The following DCDC1 variants were observed in gnomAD, a reference collection of about 807,000 sequenced individuals.
DCDC1 encodes doublecortin domain containing 1, also known as doublecortin domain-containing protein 1.
Under a neutral mutation model 178.3 loss-of-function variants are expected in DCDC1, and 200 were observed. That is an observed-to-expected ratio of 1.12 (90% CI 1.00 to 1.26). The LOEUF (loss-of-function observed/expected upper bound fraction) is 1.26, where lower values mean the gene tolerates loss of function less well. DCDC1 is among the 50% of genes most tolerant of loss of function. DCDC1 has a pLI of 0.00. For missense variants in DCDC1, 1,983 were observed against 1,749.2 expected (o/e 1.13, Z -2.38); for synonymous variants, 690 against 604.8 (o/e 1.14, Z -2.07).
chr11:31,072,392 C>G (rs931305491), intron 18 of DCDC1, among the ~76,000 whole-genome samples: 1 of 151,944 alleles, frequency 6.6e-6, no homozygotes, highest in African/African-American at 2.4e-5. Flanking sequence ...TTCATATTCT[C>G]CTATTTATTT....
intron 7 of DCDC1, among the ~76,000 whole-genome samples, chr11:31,267,062 C>G (rs1431787678): frequency 1.3e-5 from 2 of 152,202 alleles, no homozygotes; most frequent in Non-Finnish European, 2.9e-5. Flanking sequence ...CATGACCATT[C>G]AAAGGGTTGC....
At chr11:31,226,823 C>T (rs1213970785) in intron 9 of DCDC1, among the ~76,000 whole-genome samples, 2 of 151,708 alleles carry the variant, frequency 1.3e-5, no homozygotes, top group Non-Finnish European at 2.9e-5. Context: ...ACTATCAAAA[C>T]CCATAAGTAT....
intron 21 of DCDC1, among the ~76,000 whole-genome samples, chr11:30,936,398 T>G (rs1047697548): frequency 6.6e-6 from 1 of 152,158 alleles, no homozygotes; most frequent in Non-Finnish European, 1.5e-5. Context: ...TTTGAGAGTT[T>G]GATTTATTCT....
chr11:31,120,705 G>A (rs568575601), intron 11 of DCDC1, among the ~76,000 whole-genome samples: 73 of 152,174 alleles, frequency 4.8e-4, no homozygotes, highest in African/African-American at 1.7e-3. Context: ...GGATATGCCT[G>A]TACTCATCTT....
chr11:31,206,995 AT>A (rs1410224891), intron 9 of DCDC1, among the ~76,000 whole-genome samples: 4 of 152,348 alleles, frequency 2.6e-5, no homozygotes, highest in African/African-American at 9.6e-5. Flanking sequence ...AGTTTTGTCT[AT>A]CACTAAAAAT....
At chr11:31,346,003 A>G (rs1307400305) in intron 1 of DCDC1, among the ~76,000 whole-genome samples, 1 of 152,206 alleles carries the variant, frequency 6.6e-6, no homozygotes, top group East Asian at 1.9e-4. Context: ...TGTCACTAAA[A>G]TAGGACAACT....
In DCDC1 at chr11:30,892,473, A is replaced by C. The variant is rs190243292; in HGVS notation, c.5082+345T>G. On this transcript the variant is annotated intron_variant, in intron 36 of 38. Transcript: ENST00000684477. Reference sequence around the variant, plus strand: ...GGGTGACAGAGTGAGACTCTGTCTCAAATAAATAAATAATGTAATAATAAT... The same window carrying C: ...GGGTGACAGAGTGAGACTCTGTCTCCAATAAATAAATAATGTAATAATAAT... 1.6e-3 allele frequency among the ~76,000 whole-genome samples: 248 copies of C among 152,234 alleles called. 4 individuals carry two copies. Among genetic ancestry groups the C allele is most frequent in the Non-Finnish European group, 6.8e-4 (46 of 68,004 alleles).
chr11:30,893,867 T>C (rs148620990), intron 35 of DCDC1, among the ~76,000 whole-genome samples: 20 of 152,342 alleles, frequency 1.3e-4, no homozygotes, highest in Admixed American at 1.2e-3. Flanking sequence ...AATGTCTCCA[T>C]TGCAATTAGT....
At chr11:31,132,665 A>G (rs1238128511) in intron 10 of DCDC1, among the ~76,000 whole-genome samples, 5 of 152,290 alleles carry the variant, frequency 3.3e-5, no homozygotes, top group African/African-American at 1.2e-4. Flanking sequence ...GAGGCCTGAG[A>G]GACATAAAGC....
chr11:30,931,723 G>A (rs746671870), intron 22 of DCDC1, 48 bp downstream of exon 22: 19 of 1,524,458 alleles, frequency 1.2e-5, no homozygotes, highest in Non-Finnish European at 8.0e-6. Flanking sequence ...CACAAAATCT[G>A]TACAAACTAG....
chr11:31,060,249 T>G (rs549478138), intron 20 of DCDC1, among the ~76,000 whole-genome samples: 1 of 152,196 alleles, frequency 6.6e-6, no homozygotes, highest in South Asian at 2.1e-4. Flanking sequence ...AAGGACTGAC[T>G]TTACAGCAAT....
intron 20 of DCDC1, among the ~76,000 whole-genome samples, chr11:31,027,614 T>G (rs1953327533): frequency 1.3e-5 from 2 of 151,900 alleles, no homozygotes; most frequent in South Asian, 4.1e-4. Flanking sequence ...AAAAGCAACT[T>G]AGTGACATCT....
chr11:31,155,396 G>C (rs774345582), intron 9 of DCDC1, among the ~76,000 whole-genome samples: 1 of 152,226 alleles, frequency 6.6e-6, no homozygotes, highest in African/African-American at 2.4e-5. Context: ...TAGGGGGGAA[G>C]AGTCAAGTAT....
chr11:31,369,331 A>C (rs960579233), intron 1 of DCDC1, among the ~76,000 whole-genome samples: 1 of 152,222 alleles, frequency 6.6e-6, no homozygotes, highest in African/African-American at 2.4e-5. Context: ...CTTCTGCAGA[A>C]AAAATTAAAC....
chr11:31,211,611 G>A (rs1972543536), intron 9 of DCDC1, among the ~76,000 whole-genome samples: 1 of 152,080 alleles, frequency 6.6e-6, no homozygotes, highest in Admixed American at 6.6e-5. Flanking sequence ...AATCCATATG[G>A]AATAATCATT....
chr11:31,298,260 A>G (rs1249897481), intron 6 of DCDC1, among the ~76,000 whole-genome samples: 2 of 152,044 alleles, frequency 1.3e-5, no homozygotes, highest in Admixed American at 6.6e-5. Flanking sequence ...TCCACAACCA[A>G]CTGCCAAAGA....
chr11:30,886,424 G>A (rs549254792), intron 36 of DCDC1, among the ~76,000 whole-genome samples: 2 of 152,246 alleles, frequency 1.3e-5, no homozygotes, highest in South Asian at 4.2e-4. Flanking sequence ...CAAACTGGGT[G>A]GCTTAAACAA....
intron 9 of DCDC1, among the ~76,000 whole-genome samples, chr11:31,153,785 A>AACACAC (rs141063677): frequency 0.084 from 11,149 of 132,568 alleles, 507 homozygotes; most frequent in East Asian, 0.16. Flanking sequence ...TCAGTCTTAA[A>AACACAC]ACACACACAC....
chr11:31,176,763 GA>G (rs547022990), intron 9 of DCDC1, among the ~76,000 whole-genome samples: 2 of 150,584 alleles, frequency 1.3e-5, no homozygotes, highest in South Asian at 2.1e-4. Context: ...AGTTCTGAAG[GA>G]AAAAAAATAC....
Sources: gnomAD v4.1 joint callset for allele counts (sites outside exome capture counted in the v4.1 genomes callset) on GRCh38, gnomAD v4.1.1 for gene constraint, MANE v1.5 for transcripts, NCBI Gene and HGNC (gene_info 2026-07-23, HGNC 2026-07-21) for gene names.